YPEL3: variants seen among roughly 807,000 people sequenced by gnomAD.
YPEL3 encodes the protein protein yippee-like 3.
Under a neutral mutation model 17.5 loss-of-function variants are expected in YPEL3, and 5 were observed. The ratio of observed to expected loss-of-function variants is 0.29; its 90% CI spans 0.15 to 0.60. The LOEUF (loss-of-function observed/expected upper bound fraction) is 0.60. Ranked by LOEUF, YPEL3 falls within the 20% of genes least tolerant of loss-of-function variation. YPEL3 has a pLI of 0.87. For synonymous variants in YPEL3, 87 were observed against 87.2 expected (o/e 1.00, Z 0.01); for missense variants, 155 against 211.4 (o/e 0.73, Z 1.65).
rs1355886980 is a variant in YPEL3 at position 30,094,910 on chromosome 16, G to A, written c.276-13C>T. 1 of 1,608,970 alleles carries A rather than the reference G, an allele frequency of 6.2e-7. No homozygotes were observed. Among genetic ancestry groups the A allele is most frequent in the South Asian group, 1.1e-5 (1 of 90,598 alleles). On this transcript the variant is annotated splice_polypyrimidine_tract_variant and intron_variant, in intron 2 of 3. Coordinates refer to ENST00000398841, the MANE Select transcript of YPEL3 (RefSeq NM_031477.5). The stretch of plus-strand genomic sequence containing the variant: ...GCCCACGTTCACCCTGTGGGGACAT[G>A]GGGTAGTCCCAGGGAGGGTCCTGCC...
chr16:30,095,727 G>A lies in YPEL3; in HGVS notation c.-245C>T. 4.1e-6 allele frequency: 2 copies of A among 491,128 alleles called. No homozygotes were observed. The highest frequency in any genetic ancestry group is 7.2e-6 in the Non-Finnish European group (2 of 278,332). The allele number at this position is 491,128 out of a possible 1,614,324, so 30.4% of individuals were successfully genotyped here. ...TGGAGGAAGGGGCTTTGGAGGGGCT[G>A]GGCTGTCAGTTCCCAGTTTCGGGGG... On this transcript the variant is annotated 5_prime_UTR_variant, in exon 1 of 4. The change creates a premature stop within an existing upstream ORF in the 5' untranslated region. Transcript: ENST00000398841. The surrounding 1 kb of genome is among the most constrained non-coding windows in gnomAD (Gnocchi z 5.4).
Position 30,095,306 on chromosome 16 carries a change from A to G in YPEL3, c.177T>C (p.Tyr59=), listed in dbSNP as rs1419074359. Reference sequence around the variant, plus strand: ...GGTGAGCGCGGCAGTGGGCACAGCTATACCTCCGGTGACAATCATCCAAGT... The same window carrying G: ...GGTGAGCGCGGCAGTGGGCACAGCTGTACCTCCGGTGACAATCATCCAAGT... ...QAYLDDCHRR[Y]SCAHCRAHLA... Residue 59 remains tyrosine (Y), a synonymous_variant, in exon 1 of 4, where the codon TAT becomes TAC. Coordinates refer to ENST00000398841, the MANE Select transcript of YPEL3 (RefSeq NM_031477.5). The surrounding 1 kb of genome is among the most constrained non-coding windows in gnomAD (Gnocchi z 5.4). 5 of 1,614,184 alleles carry G rather than the reference A, an allele frequency of 3.1e-6. No homozygotes were observed. The East Asian group carries it at 6.7e-5, about 22-fold the overall frequency.
chr16:30,092,942 C>G, intron 3 of YPEL3, 143 bp from the exon 4 acceptor site: 1 of 668,888 alleles, frequency 1.5e-6, no homozygotes, highest in Non-Finnish European at 2.6e-6. Flanking sequence ...CTCACAAACA[C>G]AGAGTAGAAT....
chr16:30,095,069 T>A lies in YPEL3; in HGVS notation c.275+34A>T. Reference sequence around the variant, plus strand: ...CAGGGGTCACAGGTCACAACAGAGGTCAGGGAAAGCAAGAAGGGAGGCCAG... The same window carrying A: ...CAGGGGTCACAGGTCACAACAGAGGACAGGGAAAGCAAGAAGGGAGGCCAG... On this transcript the variant is annotated intron_variant, in intron 2 of 3. Transcript: ENST00000398841. This position sits in a 1 kb window ranked among gnomAD's most constrained non-coding sequence, Gnocchi z 5.4. 1 of 1,613,480 alleles carries A rather than the reference T, an allele frequency of 6.2e-7. No individual in the cohort carries two copies. Among genetic ancestry groups the A allele is most frequent in the Non-Finnish European group, 8.5e-7 (1 of 1,179,876 alleles).
At position 30,092,585 on chromosome 16, in the gene YPEL3, C is replaced by G. The variant is rs548216647; in HGVS notation, c.*125G>C. 112 of 794,038 alleles carry G rather than the reference C, an allele frequency of 1.4e-4. No homozygotes were observed. Among genetic ancestry groups the G allele is most frequent in the Non-Finnish European group, 2.1e-4 (102 of 482,726 alleles). 49.2% of individuals were successfully genotyped at this position (794,038 alleles called of 1,614,324 possible). On this transcript the variant is annotated 3_prime_UTR_variant, in exon 4 of 4. Coordinates refer to ENST00000398841, the MANE Select transcript of YPEL3 (RefSeq NM_031477.5). Reference sequence around the variant, plus strand: ...CAGTGCATGCAATAAAATATATATACAGGAGCTAGATCCGTCCTCTGCAGG... The same window carrying G: ...CAGTGCATGCAATAAAATATATATAGAGGAGCTAGATCCGTCCTCTGCAGG...
chr16:30,095,487 G>C lies in YPEL3; in HGVS notation c.-5C>G. 6.6e-7 allele frequency: 1 copy of C among 1,503,882 alleles called. No homozygotes were observed. 93.2% of individuals were successfully genotyped at this position (1,503,882 alleles called of 1,614,324 possible). ...CAGGACCTGGGCCACACACATGCGA[G>C]GCACTCCCAGAGCCGTGGGGACTCG... On this transcript the variant is annotated 5_prime_UTR_variant, in exon 1 of 4. Transcript: ENST00000398841. The surrounding 1 kb of genome is among the most constrained non-coding windows in gnomAD (Gnocchi z 5.4).
At chr16:30,094,667 G>T in intron 3 of YPEL3, 122 bp downstream of exon 3, 2 of 899,344 alleles carry the variant, frequency 2.2e-6, no homozygotes, top group Non-Finnish European at 1.8e-6. Context: ...TGTGGTCAGG[G>T]ATGCTGACTT....
At position 30,092,575 on chromosome 16, in the gene YPEL3, A is replaced by G; in HGVS notation, c.*135T>C. On this transcript the variant is annotated 3_prime_UTR_variant, in exon 4 of 4. Transcript: ENST00000398841. ...CCCAAGGTCACAGTGCATGCAATAA[A>G]ATATATATACAGGAGCTAGATCCGT... The G allele has an allele frequency of 1.4e-6, 1 of 724,834 alleles. No homozygotes were observed. Among genetic ancestry groups the G allele is most frequent in the Non-Finnish European group, 2.3e-6 (1 of 436,562 alleles). 44.9% of individuals were successfully genotyped at this position (724,834 alleles called of 1,614,324 possible).
chr16:30,094,648 T>G, intron 3 of YPEL3, 141 bp downstream of exon 3: 1 of 794,060 alleles, frequency 1.3e-6, no homozygotes. Context: ...AGGTGCAAGA[T>G]AAAGAGAATG....
In YPEL3 at chr16:30,095,062, A is replaced by G; in HGVS notation, c.275+41T>C. The G allele has an allele frequency of 6.2e-7, 1 of 1,613,572 alleles. No individual in the cohort carries two copies. The highest frequency in any genetic ancestry group is 8.5e-7 in the Non-Finnish European group (1 of 1,179,804). On this transcript the variant is annotated intron_variant, in intron 2 of 3. Transcript: ENST00000398841. The surrounding 1 kb of genome is among the most constrained non-coding windows in gnomAD (Gnocchi z 5.4). ...AGGATGCCAGGGGTCACAGGTCACA[A>G]CAGAGGTCAGGGAAAGCAAGAAGGG...
At position 30,095,126 on chromosome 16, in the gene YPEL3, C is replaced by A. The variant is rs761859532; in HGVS notation, c.252G>T (p.Gly84=). 7 of 1,614,020 alleles carry A rather than the reference C, an allele frequency of 4.3e-6. No homozygotes were observed. In the East Asian group the frequency reaches 1.6e-4, roughly 36 times the overall value. The change falls in exon 2 of 4, where the codon GGG becomes GGT. Residue 84 remains glycine (G), a synonymous_variant. Transcript: ENST00000398841. This position sits in a 1 kb window ranked among gnomAD's most constrained non-coding sequence, Gnocchi z 5.4. ...LISKSFQGSQ[G]RAYLFNSVVN... Reference sequence around the variant, plus strand: ...ACACTGAGTTGAAGAGGTAGGCACGCCCCTGACTGCCCTGGAAGGACTAAA... The same window carrying A: ...ACACTGAGTTGAAGAGGTAGGCACGACCCTGACTGCCCTGGAAGGACTAAA...
intron 3 of YPEL3, chr16:30,093,798 C>T (rs2072764940): frequency 6.6e-6 from 1 of 150,590 alleles, no homozygotes; most frequent in African/African-American, 2.5e-5. Context: ...CCGTGTTAGC[C>T]AGGATGGTCT....
intron 3 of YPEL3, chr16:30,094,503 G>T (rs756805957): frequency 2.3e-6 from 1 of 433,328 alleles, no homozygotes; most frequent in Non-Finnish European, 4.3e-6. Context: ...GATAATAGAC[G>T]CCAGGCACAC....
At position 30,092,467 on chromosome 16, in the gene YPEL3, T is replaced by G; in HGVS notation, c.*243A>C. 1 of 540,970 alleles carries G rather than the reference T, an allele frequency of 1.8e-6. No homozygotes were observed. The highest frequency in any genetic ancestry group is 3.0e-5 in the East Asian group (1 of 33,380). The allele number at this position is 540,970 out of a possible 1,614,324, so 33.5% of individuals were successfully genotyped here. ...ACACAGGCCATAACTATAGGGCAGG[T>G]GGGGCAGGAACGGGTTAAAAACGAG... On this transcript the variant is annotated 3_prime_UTR_variant, in exon 4 of 4. Coordinates refer to ENST00000398841, the MANE Select transcript of YPEL3 (RefSeq NM_031477.5).
rs974349925 is a variant in YPEL3 at position 30,096,196 on chromosome 16, G to A, written c.-714C>T. On this transcript the variant is annotated 5_prime_UTR_variant, in exon 1 of 4. Coordinates refer to ENST00000398841, the MANE Select transcript of YPEL3 (RefSeq NM_031477.5). ...GTCCCCCCCGGGCCCGGGTTCGCAG[G>A]CGCCTGGACTTGTTTACACCGAGCC... The A allele has an allele frequency of 6.7e-6, 1 of 150,194 alleles. No homozygotes were observed. Among genetic ancestry groups the A allele is most frequent in the African/African-American group, 2.4e-5 (1 of 41,222 alleles). The allele number at this position is 150,194 out of a possible 1,614,324, so 9.3% of individuals were successfully genotyped here.
At chr16:30,092,990 A>G (rs2072750673) in intron 3 of YPEL3, among the ~76,000 whole-genome samples, 191 bp from the exon 4 acceptor site, 1 of 152,260 alleles carries the variant, frequency 6.6e-6, no homozygotes, top group African/African-American at 2.4e-5. Context: ...TTAAGTACTA[A>G]TGATGGCTCC....
In YPEL3 at chr16:30,092,701, G is replaced by T. The variant is rs201921579; in HGVS notation, c.*9C>A. 1 of 1,613,904 alleles carries T rather than the reference G, an allele frequency of 6.2e-7. No homozygotes were observed. Among genetic ancestry groups the T allele is most frequent in the Non-Finnish European group, 8.5e-7 (1 of 1,179,874 alleles). ...CGGGCTGGAGCCACATGCGTCGGGG[G>T]AGCGGGGGTCAGTCCCAGCCGTTGT... On this transcript the variant is annotated 3_prime_UTR_variant, in exon 4 of 4. Transcript: ENST00000398841.
At chr16:30,094,525 G>A (rs2072772345) in intron 3 of YPEL3, 2 of 502,758 alleles carry the variant, frequency 4.0e-6, no homozygotes, top group Admixed American at 3.3e-5. Context: ...ACAGTGCAAG[G>A]CACATAAACA....
chr16:30,092,520 G>A lies in YPEL3; in HGVS notation c.*190C>T. The A allele has an allele frequency of 1.7e-6, 1 of 577,536 alleles. No homozygotes were observed. Among genetic ancestry groups the A allele is most frequent in the East Asian group, 2.8e-5 (1 of 35,200 alleles). 35.8% of individuals were successfully genotyped at this position (577,536 alleles called of 1,614,324 possible). ...CCAAGCCAGCCAGATCGCAGGAGGT[G>A]CGGGGGCGTCGTCCCCCTTCTGTTC... On this transcript the variant is annotated 3_prime_UTR_variant, in exon 4 of 4. Coordinates refer to ENST00000398841, the MANE Select transcript of YPEL3 (RefSeq NM_031477.5).
Sources: gnomAD v4.1 joint callset for allele counts (sites outside exome capture counted in the v4.1 genomes callset) on GRCh38, gnomAD v4.1.1 for gene constraint, Gnocchi (gnomAD v3.1) non-coding constraint, MANE v1.5 for transcripts, NCBI Gene and HGNC (gene_info 2026-07-23, HGNC 2026-07-21) for gene names.